DUT: variants seen among roughly 807,000 people sequenced by gnomAD.
The protein encoded by DUT is deoxyuridine triphosphatase.
DUT carries 21 observed loss-of-function variants against 28.8 expected under a neutral mutation model. The ratio of observed to expected loss-of-function variants is 0.73; its 90% CI spans 0.52 to 1.05. The LOEUF (loss-of-function observed/expected upper bound fraction) is 1.05, where lower values mean the gene tolerates loss of function less well. Ranked by LOEUF, DUT falls within the 50% of genes least tolerant of loss-of-function variation. DUT has a pLI of 0.00. For missense variants in DUT, 344 were observed against 351.8 expected, an observed-to-expected ratio of 0.98 and a Z score of 0.18; for synonymous variants, 147 against 143.7, an observed-to-expected ratio of 1.02 and a Z score of -0.17.
At position 48,342,468 on chromosome 15, in the gene DUT, T is replaced by A. The variant is rs1358218870; in HGVS notation, c.*390T>A. The A allele has an allele frequency of 6.5e-6, 1 of 152,964 alleles. No individual in the cohort carries two copies. The highest frequency in any genetic ancestry group is 1.5e-5 in the Non-Finnish European group (1 of 68,578). 9.5% of individuals were successfully genotyped at this position (152,964 alleles called of 1,614,324 possible). On this transcript the variant is annotated 3_prime_UTR_variant, in exon 7 of 7. Coordinates refer to ENST00000331200, the MANE Select transcript of DUT (RefSeq NM_001025248.2). ...ATTTTGCTTTAATTGCTTTAAATCTTAAGCAATATTTTTTATTCAGTAAAC... is the reference window on the plus strand; with the variant it reads ...ATTTTGCTTTAATTGCTTTAAATCTAAAGCAATATTTTTTATTCAGTAAAC...
intron 6 of DUT, 25 bp from the exon 7 acceptor site, chr15:48,341,997 A>G (rs1486740498): frequency 1.9e-6 from 3 of 1,552,346 alleles, no homozygotes; most frequent in African/African-American, 2.8e-5. Flanking sequence ...AAAACTGTGA[A>G]GCTTACTACC....
At chr15:48,331,301 A>AG (rs2042403435), upstream of DUT, 1 of 1,445,392 alleles carries the variant, frequency 6.9e-7, no homozygotes, top group African/African-American at 1.5e-5. Context: ...CAGAGGCGGC[A>AG]GCAAGACTCA....
At chr15:48,331,107 A>T, upstream of DUT, 2 of 1,234,068 alleles carry the variant, frequency 1.6e-6, no homozygotes, top group Non-Finnish European at 2.1e-6. Context: ...AATAACTGTC[A>T]CCGGCGCCGA....
intron 2 of DUT, 108 bp downstream of exon 2, chr15:48,332,514 A>C: frequency 9.7e-7 from 1 of 1,035,760 alleles, no homozygotes; most frequent in South Asian, 1.6e-5. Flanking sequence ...TATAAATAGG[A>C]TTTCTGCCTT....
rs1361777292 is a variant in DUT at position 48,331,694 on chromosome 15, C to T, written c.179C>T (p.Ala60Val). Residue 60 changes from alanine to valine, a missense_variant, in exon 1 of 7, where the codon GCT (alanine) becomes GTT (valine). By Grantham distance (64) the Ala-to-Val change is moderately conservative (BLOSUM62 0). Transcript: ENST00000331200. ...QHGIPRPLSS[A>V]GRLSQGCRGA... ...GGGATTCCCCGGCCGCTGTCCAGCGCTGGCCGCCTGAGCCAAGGCTGCCGC... is the reference window on the plus strand; with the variant it reads ...GGGATTCCCCGGCCGCTGTCCAGCGTTGGCCGCCTGAGCCAAGGCTGCCGC... The T allele has an allele frequency of 2.0e-6, 3 of 1,521,088 alleles. No individual in the cohort carries two copies. Among genetic ancestry groups the T allele is most frequent in the South Asian group, 2.5e-5 (2 of 81,132 alleles). 94.2% of individuals were successfully genotyped at this position (1,521,088 alleles called of 1,614,324 possible).
rs1385634671 is a variant in DUT at position 48,342,768 on chromosome 15, T to C, written c.*690T>C. ...ATTTGTTACTTTAGGTTTGTTCCCT[T>C]GAATTTCATCTCATCAGGCAAATTG... On this transcript the variant is annotated 3_prime_UTR_variant, in exon 7 of 7. Coordinates refer to ENST00000331200, the MANE Select transcript of DUT (RefSeq NM_001025248.2). 6.6e-6 allele frequency: 1 copy of C among 152,216 alleles called. No homozygotes were observed. Among genetic ancestry groups the C allele is most frequent in the Non-Finnish European group, 1.5e-5 (1 of 68,038 alleles). 9.4% of individuals were successfully genotyped at this position (152,216 alleles called of 1,614,324 possible). A position where few individuals can be genotyped will look rare whatever the true frequency, so the allele number is the denominator to read the frequency against.
intron 4 of DUT, 102 bp downstream of exon 4, chr15:48,336,192 T>A: frequency 1.0e-6 from 1 of 997,010 alleles, no homozygotes; most frequent in Non-Finnish European, 1.4e-6. Context: ...GAAAAGAAAA[T>A]GATTAGAGGA....
chr15:48,331,614 C>T lies in DUT; in HGVS notation c.99C>T (p.Ala33=). ...MQNARGARQR[A]EAAVLSGPGP... The stretch of plus-strand genomic sequence containing the variant: ...ACGCGCGAGGCGCACGGCAGAGGGC[C>T]GAAGCCGCGGTACTCTCCGGGCCAG... Residue 33 remains alanine, a synonymous_variant, in exon 1 of 7, where the codon GCC becomes GCT. Coordinates refer to ENST00000331200, the MANE Select transcript of DUT (RefSeq NM_001025248.2). The T allele has an allele frequency of 6.4e-7, 1 of 1,556,706 alleles. No homozygotes were observed. The highest frequency in any genetic ancestry group is 8.7e-7 in the Non-Finnish European group (1 of 1,152,220).
Position 48,331,714 on chromosome 15 carries a change from T to C in DUT, c.199T>C (p.Cys67Arg). 1.3e-6 allele frequency: 2 copies of C among 1,508,350 alleles called. No homozygotes were observed. The highest frequency in any genetic ancestry group is 1.8e-6 in the Non-Finnish European group (2 of 1,130,500). 93.4% of individuals were successfully genotyped at this position (1,508,350 alleles called of 1,614,324 possible). A position where few individuals can be genotyped will look rare whatever the true frequency, so the allele number is the denominator to read the frequency against. Residue 67 changes from cysteine (C) to arginine (R), a missense_variant, in exon 1 of 7, where the codon TGC becomes CGC. By Grantham distance (180) the Cys-to-Arg change is radical (BLOSUM62 -3). Transcript: ENST00000331200. ...CAGCGCTGGCCGCCTGAGCCAAGGC[T>C]GCCGCGGAGCCAGTACAGTCGGGGC... Reference protein sequence around the residue: ...LSSAGRLSQGCRGASTVGAAG... With the variant: ...LSSAGRLSQGRRGASTVGAAG...
At chr15:48,338,531 G>A (rs1477042540) in intron 4 of DUT, among the ~76,000 whole-genome samples, 1 of 152,114 alleles carries the variant, frequency 6.6e-6, no homozygotes, top group African/African-American at 2.4e-5. Context: ...TCCAACAAAT[G>A]GGAGGAAAAA....
chr15:48,332,423 C>T lies in DUT; in HGVS notation c.419+17C>T, dbSNP rs561551275. On this transcript the variant is annotated intron_variant, in intron 2 of 6. Coordinates refer to ENST00000331200, the MANE Select transcript of DUT (RefSeq NM_001025248.2). ...CCTGTACAGGTGAGCGGGGACCTGC[C>T]GGCGAGGAGGCTGGGAAGGGCCGGC... 1,373 of 1,524,680 alleles carry T rather than the reference C, an allele frequency of 9.0e-4. 2 individuals are homozygous for T. The highest frequency in any genetic ancestry group is 1.1e-3 in the Non-Finnish European group (1,313 of 1,142,842). The allele number at this position is 1,524,680 out of a possible 1,614,324, so 94.4% of individuals were successfully genotyped here. A position where few individuals can be genotyped will look rare whatever the true frequency, so the allele number is the denominator to read the frequency against.
intron 4 of DUT, among the ~76,000 whole-genome samples, chr15:48,338,749 A>G (rs1239955738): frequency 6.6e-6 from 1 of 152,218 alleles, no homozygotes; most frequent in Non-Finnish European, 1.5e-5. Context: ...AAGCATTCAT[A>G]TACAAGGATA....
chr15:48,336,224 A>G, intron 4 of DUT, 134 bp downstream of exon 4: 1 of 667,336 alleles, frequency 1.5e-6, no homozygotes, highest in Non-Finnish European at 2.3e-6. Flanking sequence ...AATAGGAGGA[A>G]AAGCTTTGTG....
intron 2 of DUT, among the ~76,000 whole-genome samples, chr15:48,333,227 G>T (rs1289183080): frequency 6.6e-6 from 1 of 151,962 alleles, no homozygotes; most frequent in Non-Finnish European, 1.5e-5. Context: ...AGAACTATTA[G>T]TCTAAGCACA....
chr15:48,335,572 T>G (rs1320723778), intron 3 of DUT, among the ~76,000 whole-genome samples: 3 of 152,168 alleles, frequency 2.0e-5, no homozygotes, highest in African/African-American at 7.2e-5. Context: ...TCCCTCTCCC[T>G]TCCTCTTCCT....
At chr15:48,339,332 A>G (rs1286890637) in intron 4 of DUT, among the ~76,000 whole-genome samples, 6 of 152,162 alleles carry the variant, frequency 3.9e-5, no homozygotes, top group Admixed American at 2.0e-4. Context: ...TTATTTAAAA[A>G]TTTTTGAATA....
Position 48,331,587 on chromosome 15 carries a change from A to G in DUT, c.72A>G (p.Gln24=), listed in dbSNP as rs899001845. ...CGTCTCTGCTTCGCTCAGCGATGCA[A>G]AACGCGCGAGGCGCACGGCAGAGGG... The part of the protein sequence containing the change: ...FLTSLLRSAM[Q]NARGARQRAE... The change falls in exon 1 of 7, where the codon CAA becomes CAG. Residue 24 remains glutamine (Q), a synonymous_variant. Coordinates refer to ENST00000331200, the MANE Select transcript of DUT (RefSeq NM_001025248.2). 8 of 1,591,390 alleles carry G rather than the reference A, an allele frequency of 5.0e-6. No homozygotes were observed. The African/African-American group carries it at 8.1e-5, about 16-fold the overall frequency.
At chr15:48,339,442 G>GATT (rs2042509353) in intron 4 of DUT, among the ~76,000 whole-genome samples, 1 of 152,122 alleles carries the variant, frequency 6.6e-6, no homozygotes, top group Non-Finnish European at 1.5e-5. Context: ...CAGCATGGAA[G>GATT]TTCTCTAGCC....
intron 4 of DUT, chr15:48,340,991 G>T: frequency 8.3e-6 from 2 of 239,720 alleles, no homozygotes; most frequent in Non-Finnish European, 1.6e-5. Flanking sequence ...CAAGTGTGCC[G>T]TGGGTAGACA....
Sources: gnomAD v4.1 joint callset for allele counts (sites outside exome capture counted in the v4.1 genomes callset) on GRCh38, gnomAD v4.1.1 for gene constraint, MANE v1.5 for transcripts, NCBI Gene and HGNC (gene_info 2026-07-23, HGNC 2026-07-21) for gene names.